Variants in VWA3B observed in about 807,000 individuals in gnomAD.
The protein encoded by VWA3B is von Willebrand factor A domain-containing protein 3B.
In VWA3B, 138 loss-of-function variants were observed where a neutral mutation model predicts 158.3. The ratio of observed to expected loss-of-function variants is 0.87; its 90% confidence interval spans 0.76 to 1.00. VWA3B has a LOEUF of 1.00. Ranked by LOEUF, VWA3B falls within the 50% of genes least tolerant of loss-of-function variation. The pLI, the probability that VWA3B is intolerant of heterozygous loss-of-function variation, is 0.00. For missense variants in VWA3B, 1,555 were observed against 1,565.1 expected, an observed-to-expected ratio of 0.99 and a Z score of 0.11; for synonymous variants, 596 against 587.3, an observed-to-expected ratio of 1.01 and a Z score of -0.21.
Position 98,180,235 on chromosome 2 carries a change from C to A in VWA3B, c.1115-781C>A, listed in dbSNP as rs546560142. On this transcript the variant is annotated intron_variant, in intron 8 of 27. Coordinates refer to ENST00000477737, the MANE Select transcript of VWA3B (RefSeq NM_144992.5). ...TTTTTGATGGAGTCTTGCTCTCTTG[C>A]CCAGGCTGGAGCGCAGTGGTGCATT... is the stretch of plus-strand genomic sequence containing the variant. Among the ~76,000 whole-genome samples the A allele has an allele frequency of 1.1e-4, 16 of 150,976 alleles. No homozygotes were observed. The South Asian group carries it at 3.3e-3, about 32-fold the overall frequency.
At chr2:98,244,206 A>G (rs893049455) in intron 19 of VWA3B, among the ~76,000 whole-genome samples, 5 of 152,184 alleles carry the variant, frequency 3.3e-5, no homozygotes, top group African/African-American at 1.2e-4. Context: ...TAGTGATTAC[A>G]CTAACATTCA....
intron 19 of VWA3B, chr2:98,245,637 C>A (rs1256239513): frequency 8.8e-6 from 4 of 456,366 alleles, no homozygotes; most frequent in Non-Finnish European, 1.8e-5. Context: ...TTCTTAAATA[C>A]ATTAAGTCAG....
chr2:98,112,738 G>A (rs188956369), intron 2 of VWA3B, among the ~76,000 whole-genome samples: 11 of 151,122 alleles, frequency 7.3e-5, no homozygotes, highest in Non-Finnish European at 1.0e-4. Context: ...CTATTTTTAC[G>A]CCCTATCTGT....
intron 7 of VWA3B, among the ~76,000 whole-genome samples, chr2:98,135,586 C>T (rs976850363): frequency 2.6e-5 from 4 of 152,010 alleles, no homozygotes; most frequent in South Asian, 2.1e-4. Context: ...CCGCCCGCCT[C>T]GGCCTCCCAA....
At chr2:98,271,061 G>A (rs547643057) in intron 22 of VWA3B, among the ~76,000 whole-genome samples, 178 bp downstream of exon 22, 10 of 151,778 alleles carry the variant, frequency 6.6e-5, no homozygotes, top group East Asian at 3.9e-4. Flanking sequence ...AATGCCATTC[G>A]ATTGTACTAT....
intron 22 of VWA3B, among the ~76,000 whole-genome samples, chr2:98,281,544 A>G (rs957084810): frequency 3.9e-5 from 6 of 152,216 alleles, no homozygotes; most frequent in South Asian, 2.1e-4. Flanking sequence ...GCCAAAGATT[A>G]GTTCTAGTTA....
chr2:98,136,648 A>G (rs960732664), intron 7 of VWA3B, among the ~76,000 whole-genome samples: 6 of 150,994 alleles, frequency 4.0e-5, no homozygotes, highest in Admixed American at 6.6e-5. Context: ...AGCCTCTTTT[A>G]TAAGAGCACT....
chr2:98,235,189 T>C (rs767132016), intron 17 of VWA3B, among the ~76,000 whole-genome samples: 22 of 152,216 alleles, frequency 1.4e-4, no homozygotes, highest in Non-Finnish European at 2.6e-4. Flanking sequence ...TTTATTACTA[T>C]TGATAAAATT....
intron 14 of VWA3B, among the ~76,000 whole-genome samples, chr2:98,225,705 C>CAAA (rs748819147): frequency 2.8e-4 from 30 of 105,640 alleles, no homozygotes; most frequent in Non-Finnish European, 3.8e-4. Context: ...AGGAGATCTA[C>CAAA]AAAAAAAAAA....
chr2:98,256,285 T>G (rs1270831632), intron 21 of VWA3B, 111 bp downstream of exon 21: 2 of 1,215,598 alleles, frequency 1.6e-6, no homozygotes, highest in Non-Finnish European at 2.3e-6. Flanking sequence ...TTCAAAATGT[T>G]CTGCAAACCA....
intron 2 of VWA3B, among the ~76,000 whole-genome samples, chr2:98,096,915 G>T (rs995517214): frequency 8.6e-5 from 13 of 151,780 alleles, no homozygotes; most frequent in African/African-American, 4.8e-5. Flanking sequence ...TTTCTGCTCT[G>T]ATCGCTAAGG....
chr2:98,322,485 CCTAG>C, the VWA3B span, among the ~76,000 whole-genome samples: 15 of 152,202 alleles, frequency 9.9e-5, no homozygotes, highest in Admixed American at 3.9e-4. Context: ...TGCCCTGATT[CCTAG>C]CTAGCCCCTA....
chr2:98,321,224 C>T, the VWA3B span, among the ~76,000 whole-genome samples: 6 of 152,216 alleles, frequency 3.9e-5, no homozygotes, highest in African/African-American at 1.4e-4. Flanking sequence ...TTGGAAATGC[C>T]TGGATGCCCA....
chr2:98,288,891 C>A (rs1033463506), intron 22 of VWA3B, among the ~76,000 whole-genome samples: 1 of 152,176 alleles, frequency 6.6e-6, no homozygotes, highest in African/African-American at 2.4e-5. Context: ...CCCTTTCATT[C>A]CAACCTTTCA....
chr2:98,292,876 A>G (rs1333218412), intron 23 of VWA3B, among the ~76,000 whole-genome samples: 2 of 152,052 alleles, frequency 1.3e-5, no homozygotes, highest in Non-Finnish European at 2.9e-5. Context: ...AGGCAGGAGA[A>G]TCGCTTGAAC....
intron 12 of VWA3B, chr2:98,207,609 T>G (rs906139140): frequency 4.1e-5 from 20 of 489,222 alleles, no homozygotes; most frequent in African/African-American, 3.8e-4. Context: ...AGGAGACCAT[T>G]AAAGGATTTC....
At chr2:98,149,246 A>G (rs1368821899) in intron 7 of VWA3B, among the ~76,000 whole-genome samples, 2 of 152,226 alleles carry the variant, frequency 1.3e-5, no homozygotes, top group African/African-American at 4.8e-5. Context: ...TATTATTGTT[A>G]CTGGTGGAGG....
At chr2:98,242,009 C>G (rs180826950) in intron 19 of VWA3B, among the ~76,000 whole-genome samples, 1 of 152,046 alleles carries the variant, frequency 6.6e-6, no homozygotes, top group Non-Finnish European at 1.5e-5. Flanking sequence ...GGATGTATAC[C>G]TTTTTGATGT....
At chr2:98,174,473 T>G (rs958114215) in intron 8 of VWA3B, among the ~76,000 whole-genome samples, 1 of 152,248 alleles carries the variant, frequency 6.6e-6, no homozygotes, top group African/African-American at 2.4e-5. Flanking sequence ...TTCACTCAGT[T>G]CTTCCTCAGT....
Sources: allele counts gnomAD v4.1 joint callset (sites outside exome capture counted in the v4.1 genomes callset), GRCh38; gene constraint gnomAD v4.1.1; transcripts MANE v1.5; gene names NCBI Gene and HGNC (gene_info 2026-07-23, HGNC 2026-07-21).